Variants in KCNIP4 observed in about 807,000 individuals in gnomAD.
The protein encoded by KCNIP4 is potassium voltage-gated channel interacting protein 4, also known as Kv channel-interacting protein 4.
KCNIP4 carries 12 observed loss-of-function variants against 34.0 expected under a neutral mutation model. The observed-to-expected ratio is 0.35, with a 90% CI of 0.23 to 0.57. The LOEUF is 0.57. KCNIP4 is among the 20% of genes least tolerant of loss of function. KCNIP4 has a pLI of 0.83. For synonymous variants in KCNIP4, 124 were observed against 102.2 expected (o/e 1.21, Z -1.29); for missense variants, 238 against 311.7 (o/e 0.76, Z 1.78).
At chr4:20,959,679 C>T (rs571682768) in intron 1 of KCNIP4, among the ~76,000 whole-genome samples, 8 of 152,268 alleles carry the variant, frequency 5.3e-5, no homozygotes, top group African/African-American at 9.6e-5. Flanking sequence ...ACTATCATCG[C>T]ATTTTATGAG....
chr4:21,230,061 A>C (rs1274202304), intron 1 of KCNIP4, among the ~76,000 whole-genome samples: 1 of 152,166 alleles, frequency 6.6e-6, no homozygotes, highest in African/African-American at 2.4e-5. Context: ...TCGTAGATGA[A>C]GGTGGTCAAA....
chr4:21,878,298 A>G (rs2109378923), intron 1 of KCNIP4, among the ~76,000 whole-genome samples: 1 of 152,126 alleles, frequency 6.6e-6, no homozygotes, highest in Non-Finnish European at 1.5e-5. Flanking sequence ...CTGGTCTCTA[A>G]CTCCTAATCT....
chr4:21,220,881 TA>T (rs541619826), intron 1 of KCNIP4, among the ~76,000 whole-genome samples: 7 of 151,902 alleles, frequency 4.6e-5, no homozygotes, highest in South Asian at 4.2e-4. Context: ...AACTTGACAT[TA>T]AAAAAAAGTC....
intron 2 of KCNIP4, among the ~76,000 whole-genome samples, chr4:20,877,236 T>C (rs1420824859): frequency 6.6e-6 from 1 of 152,186 alleles, no homozygotes; most frequent in Non-Finnish European, 1.5e-5. Context: ...TTGTTACAGC[T>C]ATAGCTATGG....
intron 1 of KCNIP4, among the ~76,000 whole-genome samples, chr4:21,067,570 A>G (rs751031219): frequency 3.1e-4 from 47 of 152,174 alleles, no homozygotes; most frequent in Non-Finnish European, 5.7e-4. Context: ...TCATCACACT[A>G]AAAGGAAGGA....
intron 1 of KCNIP4, among the ~76,000 whole-genome samples, chr4:21,349,963 C>T (rs558815262): frequency 4.0e-4 from 61 of 152,156 alleles, no homozygotes; most frequent in Non-Finnish European, 7.9e-4. Context: ...AGAAAACACT[C>T]CTGTGGGTGG....
chr4:21,034,883 G>A lies in KCNIP4; in HGVS notation c.62-152174C>T, dbSNP rs891901501. Among the ~76,000 whole-genome samples the A allele has an allele frequency of 9.2e-5, 14 of 152,302 alleles. No individual in the cohort carries two copies. In the East Asian group the frequency reaches 9.7e-4, roughly 11 times the overall value. On this transcript the variant is annotated intron_variant, in intron 1 of 8. Transcript: ENST00000382152. ...AGACATGGTTTACACCTGCAGAAAC[G>A]TACATTGCTGGACAGCTGTCCTGCC...
At chr4:21,434,121 G>T (rs1053972261) in intron 1 of KCNIP4, among the ~76,000 whole-genome samples, 1 of 152,158 alleles carries the variant, frequency 6.6e-6, no homozygotes, top group Non-Finnish European at 1.5e-5. Flanking sequence ...AAACCCAGAT[G>T]CTGCTATTCA....
chr4:21,891,647 T>C (rs1727100894), intron 1 of KCNIP4, among the ~76,000 whole-genome samples: 1 of 152,100 alleles, frequency 6.6e-6, no homozygotes, highest in Non-Finnish European at 1.5e-5. Flanking sequence ...AGTAAACAAT[T>C]AATTCATTAA....
At chr4:21,793,949 C>A (rs28452597) in intron 1 of KCNIP4, among the ~76,000 whole-genome samples, 16,068 of 152,170 alleles carry the variant, frequency 0.11, 2,894 homozygotes, top group African/African-American at 0.37. Context: ...GAATACTATG[C>A]AGCCATAAAA....
In KCNIP4 at chr4:21,053,881, C is replaced by A. The variant is rs549125532; in HGVS notation, c.62-171172G>T. Among the ~76,000 whole-genome samples, 3 of 152,266 alleles carry A rather than the reference C, an allele frequency of 2.0e-5. No individual in the cohort carries two copies. In the East Asian group the frequency reaches 5.8e-4, roughly 29 times the overall value. On this transcript the variant is annotated intron_variant, in intron 1 of 8. Transcript: ENST00000382152. ...CAAAGAAGACTAAATAAGTGGAGAGCTATCCCATGCTTATGGATAGGAATA... is the reference window on the plus strand; with the variant it reads ...CAAAGAAGACTAAATAAGTGGAGAGATATCCCATGCTTATGGATAGGAATA...
chr4:21,720,026 AGAAGGAGAAGG>A (rs1714688845), intron 1 of KCNIP4, among the ~76,000 whole-genome samples: 1 of 126,726 alleles, frequency 7.9e-6, no homozygotes, highest in Admixed American at 7.3e-5. Context: ...AAGGAGAAGG[AGAAGGAGAAGG>A]AGAAGGAGAA....
At chr4:20,743,101 C>T (rs1578475531) in intron 5 of KCNIP4, among the ~76,000 whole-genome samples, 2 of 148,634 alleles carry the variant, frequency 1.3e-5, no homozygotes, top group Middle Eastern at 3.5e-3. Context: ...CGAACCACTG[C>T]TCAATGAAAT....
intron 1 of KCNIP4, among the ~76,000 whole-genome samples, chr4:21,266,707 A>G (rs1368013160): frequency 6.6e-6 from 1 of 152,218 alleles, no homozygotes; most frequent in Non-Finnish European, 1.5e-5. Context: ...TTATAAACCT[A>G]CAAGTACTTC....
chr4:21,480,753 A>G (rs1731351631), intron 1 of KCNIP4, among the ~76,000 whole-genome samples: 1 of 152,038 alleles, frequency 6.6e-6, no homozygotes, highest in Non-Finnish European at 1.5e-5. Context: ...AAACTGTAAA[A>G]CATAAATGGA....
chr4:21,052,198 C>T (rs546980728), intron 1 of KCNIP4, among the ~76,000 whole-genome samples: 12 of 152,252 alleles, frequency 7.9e-5, no homozygotes, highest in African/African-American at 2.9e-4. Flanking sequence ...ATTTTCCAAG[C>T]GTTTGGAATT....
chr4:21,229,758 A>G (rs1031794188), intron 1 of KCNIP4, among the ~76,000 whole-genome samples: 30 of 152,112 alleles, frequency 2.0e-4, no homozygotes, highest in Non-Finnish European at 5.9e-5. Flanking sequence ...CAAGATAGGC[A>G]CCTCATAGCT....
At chr4:21,585,772 A>G (rs1741566532) in intron 1 of KCNIP4, among the ~76,000 whole-genome samples, 1 of 152,066 alleles carries the variant, frequency 6.6e-6, no homozygotes, top group Non-Finnish European at 1.5e-5. Context: ...ATTGATTATT[A>G]TTTTCATGAA....
intron 2 of KCNIP4, among the ~76,000 whole-genome samples, chr4:20,865,791 T>C (rs933803824): frequency 2.0e-5 from 3 of 152,010 alleles, no homozygotes; most frequent in African/African-American, 4.8e-5. Flanking sequence ...ATGAAAATTA[T>C]AGTTAATATT....
Sources: gnomAD v4.1 joint callset for allele counts (sites outside exome capture counted in the v4.1 genomes callset) on GRCh38, gnomAD v4.1.1 for gene constraint, MANE v1.5 for transcripts, NCBI Gene and HGNC (gene_info 2026-07-23, HGNC 2026-07-21) for gene names.